SDC1: variants seen among roughly 807,000 people sequenced by gnomAD.
The protein encoded by SDC1 is syndecan 1, also known as syndecan-1.
SDC1 carries 14 observed loss-of-function variants against 29.7 expected under a neutral mutation model. The ratio of observed to expected loss-of-function variants is 0.47; its 90% CI spans 0.31 to 0.74. The LOEUF (loss-of-function observed/expected upper bound fraction) is 0.74. Among genes scored for constraint, SDC1 ranks in the 30% least tolerant of loss-of-function variants. The pLI is 0.05. For synonymous variants in SDC1, 204 were observed against 175.5 expected, an observed-to-expected ratio of 1.16 and a Z score of -1.29; for missense variants, 406 against 400.3, an observed-to-expected ratio of 1.01 and a Z score of -0.12.
chr2:20,203,023 T>A lies in SDC1; in HGVS notation c.763+64A>T, dbSNP rs1289733419. ...CCCAAAGCAGTGGCCTTGGCTGTGG[T>A]CAGCCCCACCCTGACCCCACAGCAG... is the stretch of plus-strand genomic sequence containing the variant. On this transcript the variant is annotated intron_variant, in intron 4 of 4. Transcript: ENST00000254351. 5.1e-6 allele frequency: 8 copies of A among 1,565,262 alleles called. No individual in the cohort carries two copies. The African/African-American group carries it at 1.1e-4, about 21-fold the overall frequency.
Position 20,224,969 on chromosome 2 carries a change from A to T in SDC1, c.-102T>A. The T allele has an allele frequency of 1.7e-6, 2 of 1,180,000 alleles. No homozygotes were observed. Among genetic ancestry groups the T allele is most frequent in the Non-Finnish European group, 2.1e-6 (2 of 954,374 alleles). 73.1% of individuals were successfully genotyped at this position (1,180,000 alleles called of 1,614,324 possible). A position where few individuals can be genotyped will look rare whatever the true frequency, so the allele number is the denominator to read the frequency against. ...TCGATGCTCTCTTGGGCGCCTGCCC[A>T]GCGCGCCGCTGTCCCAGGCGAGGGC... On this transcript the variant is annotated 5_prime_UTR_variant, in exon 1 of 5. Coordinates refer to ENST00000254351, the MANE Select transcript of SDC1 (RefSeq NM_002997.5). The surrounding 1 kb of genome is among the most constrained non-coding windows in gnomAD (Gnocchi z 4.9).
chr2:20,220,677 G>A lies in SDC1; in HGVS notation c.66+4125C>T, dbSNP rs534997817. ...GGACAGGGAGAACAGGTATCATGATGTCCGCTTTACAGATGAGGACAACAA... is the reference window on the plus strand; with the variant it reads ...GGACAGGGAGAACAGGTATCATGATATCCGCTTTACAGATGAGGACAACAA... On this transcript the variant is annotated intron_variant, in intron 1 of 4. Transcript: ENST00000254351. 1.5e-3 allele frequency among the ~76,000 whole-genome samples: 235 copies of A among 152,334 alleles called. 2 individuals are homozygous for A. The highest frequency in any genetic ancestry group is 5.6e-3 in the African/African-American group (231 of 41,568).
At position 20,218,263 on chromosome 2, in the gene SDC1, G is replaced by A. The variant is rs149762346; in HGVS notation, c.66+6539C>T. 1.8e-4 allele frequency among the ~76,000 whole-genome samples: 28 copies of A among 152,298 alleles called. No individual in the cohort carries two copies. The East Asian group carries it at 5.0e-3, about 27-fold the overall frequency. ...GGAAGGCCAGGTGACCTGACTGCCC[G>A]TCTCTGTAGGAATAACTCCCACAGA... is the stretch of plus-strand genomic sequence containing the variant. On this transcript the variant is annotated intron_variant, in intron 1 of 4. Coordinates refer to ENST00000254351, the MANE Select transcript of SDC1 (RefSeq NM_002997.5).
At chr2:20,203,464 T>C (rs1677116215) in intron 3 of SDC1, among the ~76,000 whole-genome samples, 1 of 152,234 alleles carries the variant, frequency 6.6e-6, no homozygotes, top group South Asian at 2.1e-4. Context: ...CATTTTTGTA[T>C]GGAAATAAGC....
chr2:20,220,050 C>G (rs899200879), intron 1 of SDC1, among the ~76,000 whole-genome samples: 1 of 152,246 alleles, frequency 6.6e-6, no homozygotes, highest in African/African-American at 2.4e-5. Context: ...CAAACAGGCC[C>G]CTCCACACCC....
intron 2 of SDC1, 83 bp downstream of exon 2, chr2:20,205,260 A>T: frequency 9.3e-7 from 1 of 1,076,832 alleles, no homozygotes; most frequent in Non-Finnish European, 1.4e-6. Context: ...CATGCTCAGT[A>T]AACACAGGAG....
intron 1 of SDC1, among the ~76,000 whole-genome samples, chr2:20,209,452 T>G (rs1479983261): frequency 6.6e-6 from 1 of 152,072 alleles, no homozygotes; most frequent in Non-Finnish European, 1.5e-5. Flanking sequence ...GGCTCCTCAG[T>G]GGGATGGAGT....
At chr2:20,218,063 A>T (rs577015287) in intron 1 of SDC1, among the ~76,000 whole-genome samples, 1 of 152,272 alleles carries the variant, frequency 6.6e-6, no homozygotes, top group East Asian at 1.9e-4. Flanking sequence ...GAGAAATGTG[A>T]GCCCCCAACA....
chr2:20,201,151 C>T lies in SDC1; in HGVS notation c.*1615G>A, dbSNP rs545431466. On this transcript the variant is annotated 3_prime_UTR_variant, in exon 5 of 5. Transcript: ENST00000254351. ...ATGTCCAAGGTGTCTGCGGGGTAGG[C>T]CTCGGCTCCACACCTCCGCTGTGAC... 1 of 152,414 alleles carries T rather than the reference C, an allele frequency of 6.6e-6. No individual in the cohort carries two copies. Among genetic ancestry groups the T allele is most frequent in the South Asian group, 2.1e-4 (1 of 4,830 alleles). The allele number at this position is 152,414 out of a possible 1,614,324, so 9.4% of individuals were successfully genotyped here.
rs1403918649 is a variant in SDC1 at position 20,225,057 on chromosome 2, T to TC, written c.-191dup. The TC allele has an allele frequency of 1.6e-6, 1 of 645,150 alleles. No individual in the cohort carries two copies. The allele number at this position is 645,150 out of a possible 1,614,324, so 40.0% of individuals were successfully genotyped here. On this transcript the variant is annotated 5_prime_UTR_variant, in exon 1 of 5. Coordinates refer to ENST00000254351, the MANE Select transcript of SDC1 (RefSeq NM_002997.5). ...GGATTCCTCTCCGCTCGGCTCGGAT[T>TC]CGGCCCGCACCTCTCCCGCCGAGCT...
chr2:20,205,027 C>T (rs985510275), intron 2 of SDC1, among the ~76,000 whole-genome samples: 4 of 152,246 alleles, frequency 2.6e-5, no homozygotes, highest in Admixed American at 6.5e-5. Flanking sequence ...AAATAACCTT[C>T]TGAAGGGGGT....
At chr2:20,223,285 A>C (rs1340364883) in intron 1 of SDC1, 2 of 1,297,368 alleles carry the variant, frequency 1.5e-6, no homozygotes, top group African/African-American at 3.0e-5. Context: ...GACTCTGTAA[A>C]GAAAAAAAAA....
chr2:20,224,790 G>T lies in SDC1; in HGVS notation c.66+12C>A. 7.7e-7 allele frequency: 1 copy of T among 1,306,376 alleles called. No homozygotes were observed. Among genetic ancestry groups the T allele is most frequent in the South Asian group, 2.1e-5 (1 of 46,618 alleles). The allele number at this position is 1,306,376 out of a possible 1,614,324, so 80.9% of individuals were successfully genotyped here. A position where few individuals can be genotyped will look rare whatever the true frequency, so the allele number is the denominator to read the frequency against. On this transcript the variant is annotated intron_variant, in intron 1 of 4. Coordinates refer to ENST00000254351, the MANE Select transcript of SDC1 (RefSeq NM_002997.5). This position sits in a 1 kb window ranked among gnomAD's most constrained non-coding sequence, Gnocchi z 4.9. ...CCCGCCGCCTCCCCGCCTGGCCGCC[G>T]GCCGCACTCACCGGCAGGGCCGGCT...
rs888684189 is a variant in SDC1 at position 20,223,197 on chromosome 2, A to G, written c.66+1605T>C. Reference sequence around the variant, plus strand: ...GGACCGGAAAATGTCTGGAAGCACGAGTCACCTGGGAAGCAGGGAGGGCGC... The same window carrying G: ...GGACCGGAAAATGTCTGGAAGCACGGGTCACCTGGGAAGCAGGGAGGGCGC... On this transcript the variant is annotated intron_variant, in intron 1 of 4. Coordinates refer to ENST00000254351, the MANE Select transcript of SDC1 (RefSeq NM_002997.5). 119 of 1,256,840 alleles carry G rather than the reference A, an allele frequency of 9.5e-5. 1 individual carries two copies. In the Admixed American group the frequency reaches 2.7e-3, roughly 29 times the overall value. 77.9% of individuals were successfully genotyped at this position (1,256,840 alleles called of 1,614,324 possible).
At chr2:20,222,110 C>G (rs78441798) in intron 1 of SDC1, among the ~76,000 whole-genome samples, 41,951 of 151,140 alleles carry the variant, frequency 0.28, 6,166 homozygotes, top group Middle Eastern at 0.36. Flanking sequence ...CACACACACA[C>G]AGAGAGAAAG....
At chr2:20,205,677 C>T (rs534040178) in intron 1 of SDC1, among the ~76,000 whole-genome samples, 2 of 152,132 alleles carry the variant, frequency 1.3e-5, no homozygotes, top group South Asian at 4.2e-4. Context: ...TAGGCAGGGC[C>T]CTCACCCTGA....
chr2:20,205,142 G>C (rs6714433), intron 2 of SDC1, among the ~76,000 whole-genome samples: 1 of 152,066 alleles, frequency 6.6e-6, no homozygotes, highest in Non-Finnish European at 1.5e-5. Flanking sequence ...CCTCACCTCC[G>C]AGCATGAGCT....
At chr2:20,212,678 T>TGC (rs1351698311) in intron 1 of SDC1, among the ~76,000 whole-genome samples, 1 of 152,082 alleles carries the variant, frequency 6.6e-6, no homozygotes, top group African/African-American at 2.4e-5. Context: ...AGCCGGGGCC[T>TGC]GCCGAGGGTA....
chr2:20,211,017 G>A (rs1384283724), intron 1 of SDC1, among the ~76,000 whole-genome samples: 2 of 152,128 alleles, frequency 1.3e-5, no homozygotes, highest in African/African-American at 4.8e-5. Flanking sequence ...CTAGACTTCA[G>A]GACTCTTGGG....
Sources: allele counts gnomAD v4.1 joint callset (sites outside exome capture counted in the v4.1 genomes callset), GRCh38; gene constraint gnomAD v4.1.1; non-coding constraint Gnocchi (gnomAD v3.1); transcripts MANE v1.5; gene names NCBI Gene and HGNC (gene_info 2026-07-23, HGNC 2026-07-21).